SLC43A2: variants seen among roughly 807,000 people sequenced by gnomAD.
SLC43A2 encodes solute carrier family 43 member 2, also known as large neutral amino acids transporter small subunit 4.
Under a neutral mutation model 63.2 loss-of-function variants are expected in SLC43A2, and 38 were observed. The observed-to-expected ratio is 0.60, with a 90% CI of 0.46 to 0.79. The LOEUF is 0.79. Among genes scored for constraint, SLC43A2 ranks in the 30% least tolerant of loss-of-function variants. The pLI is 0.00. For missense variants in SLC43A2, 644 were observed against 756.2 expected (o/e 0.85, Z 1.74); for synonymous variants, 322 against 331.0 (o/e 0.97, Z 0.30).
At chr17:1,594,949 G>C (rs921837954) in intron 5 of SLC43A2, among the ~76,000 whole-genome samples, 1 of 152,038 alleles carries the variant, frequency 6.6e-6, no homozygotes, top group East Asian at 1.9e-4. Context: ...TGCAATCCCA[G>C]AGTGCTGCCT....
intron 5 of SLC43A2, among the ~76,000 whole-genome samples, chr17:1,601,500 A>C (rs1442715279): frequency 6.6e-6 from 1 of 152,100 alleles, no homozygotes; most frequent in Non-Finnish European, 1.5e-5. Context: ...AGCCAAGGCC[A>C]AACTGATGCA....
At chr17:1,584,641 T>C (rs527474063) in intron 10 of SLC43A2, among the ~76,000 whole-genome samples, 155 of 145,674 alleles carry the variant, frequency 1.1e-3, no homozygotes, top group African/African-American at 3.7e-3. Context: ...GTGAAACCCC[T>C]GTCTCTACTA....
intron 5 of SLC43A2, among the ~76,000 whole-genome samples, chr17:1,598,884 C>T (rs1326787860): frequency 6.6e-6 from 1 of 152,248 alleles, no homozygotes; most frequent in Admixed American, 6.5e-5. Context: ...GATGCCCTGC[C>T]TCTTGCCGCC....
intron 13 of SLC43A2, 43 bp downstream of exon 13, chr17:1,576,554 G>A (rs1256248332): frequency 1.3e-6 from 2 of 1,562,402 alleles, no homozygotes; most frequent in Non-Finnish European, 1.7e-6. Flanking sequence ...GTTAGCAGAA[G>A]GGGGCAGGCG....
At chr17:1,607,203 G>T (rs956035047) in intron 5 of SLC43A2, among the ~76,000 whole-genome samples, 5 of 152,184 alleles carry the variant, frequency 3.3e-5, no homozygotes, top group African/African-American at 1.2e-4. Context: ...GTTGAAGATT[G>T]GAGTTAGAAA....
Position 1,578,390 on chromosome 17 carries a change from C to T in SLC43A2, c.1351-67G>A. 6.7e-7 allele frequency: 1 copy of T among 1,494,230 alleles called. No individual in the cohort carries two copies. Among genetic ancestry groups the T allele is most frequent in the Non-Finnish European group, 9.2e-7 (1 of 1,088,706 alleles). 92.6% of individuals were successfully genotyped at this position (1,494,230 alleles called of 1,614,324 possible). A position where few individuals can be genotyped will look rare whatever the true frequency, so the allele number is the denominator to read the frequency against. On this transcript the variant is annotated intron_variant, in intron 11 of 13. Coordinates refer to ENST00000301335, the MANE Select transcript of SLC43A2 (RefSeq NM_152346.3). The surrounding 1 kb of genome is among the most constrained non-coding windows in gnomAD (Gnocchi z 6.5). ...GACCGTCCCCTCAGCCCCCGCCCTC[C>T]AATTCCTGGGGGCCCTCACCCCAGG... is the stretch of plus-strand genomic sequence containing the variant.
intron 9 of SLC43A2, 96 bp from the exon 10 acceptor site, chr17:1,586,147 C>T: frequency 6.9e-7 from 1 of 1,459,204 alleles, no homozygotes; most frequent in Non-Finnish European, 9.0e-7. Flanking sequence ...CCCACAGGCT[C>T]TTCTGGGGTC....
In SLC43A2 at chr17:1,583,910, T is replaced by C. The variant is rs1307029909; in HGVS notation, c.1218-574A>G. Among the ~76,000 whole-genome samples, 1 of 152,102 alleles carries C rather than the reference T, an allele frequency of 6.6e-6. No homozygotes were observed. Among genetic ancestry groups the C allele is most frequent in the African/African-American group, 2.4e-5 (1 of 41,424 alleles). On this transcript the variant is annotated intron_variant, in intron 10 of 13. Coordinates refer to ENST00000301335, the MANE Select transcript of SLC43A2 (RefSeq NM_152346.3). The surrounding 1 kb of genome is among the most constrained non-coding windows in gnomAD (Gnocchi z 5.5). ...TTGTTTTTTTGTTCTTTGGGTTTTTTTTTGAGATGGAGTCTCGCTCTGTCA... is the reference window on the plus strand; with the variant it reads ...TTGTTTTTTTGTTCTTTGGGTTTTTCTTTGAGATGGAGTCTCGCTCTGTCA...
At chr17:1,608,681 A>G (rs181957008) in intron 5 of SLC43A2, among the ~76,000 whole-genome samples, 2 of 152,240 alleles carry the variant, frequency 1.3e-5, no homozygotes, top group African/African-American at 4.8e-5. Context: ...GGTGTGAGCC[A>G]CCGCACCCGG....
chr17:1,622,069 G>A (rs1040286285), intron 2 of SLC43A2, among the ~76,000 whole-genome samples: 3 of 152,236 alleles, frequency 2.0e-5, no homozygotes, highest in African/African-American at 7.2e-5. Context: ...GGGAAATGAG[G>A]TCACGAACCA....
At chr17:1,586,927 A>AGGGGGCCCCCCCCCCCC in intron 9 of SLC43A2, 1 of 1,355,946 alleles carries the variant, frequency 7.4e-7, no homozygotes, top group South Asian at 1.3e-5. Flanking sequence ...TTCCCTGACA[A>AGGGGGCCCCCCCCCCCC]TCCCCCCCAC....
Position 1,577,590 on chromosome 17 carries a change from G to A in SLC43A2, c.1424+660C>T, listed in dbSNP as rs1031414754. Among the ~76,000 whole-genome samples, 13 of 152,202 alleles carry A rather than the reference G, an allele frequency of 8.5e-5. No homozygotes were observed. The highest frequency in any genetic ancestry group is 3.1e-4 in the African/African-American group (13 of 41,442). ...GCTCTGCTGGCCCAGAGGTGGGAAA[G>A]GAATCCCAGCAACACATGAGCTGGT... is the stretch of plus-strand genomic sequence containing the variant. On this transcript the variant is annotated intron_variant, in intron 12 of 13. Coordinates refer to ENST00000301335, the MANE Select transcript of SLC43A2 (RefSeq NM_152346.3). The surrounding 1 kb of genome is among the most constrained non-coding windows in gnomAD (Gnocchi z 4.9).
chr17:1,576,488 CGCTCCCACATGTCCTCGGGGCCCTGAA>C, intron 13 of SLC43A2, 82 bp downstream of exon 13: 1 of 1,266,490 alleles, frequency 7.9e-7, no homozygotes, highest in Non-Finnish European at 1.1e-6. Context: ...TCCTAACCAA[CGCTCCCACATGTCCTCGGGGCCCTGAA>C]GCCCCCGAGG....
chr17:1,588,192 A>T (rs1264568848), intron 9 of SLC43A2, among the ~76,000 whole-genome samples: 2 of 151,986 alleles, frequency 1.3e-5, no homozygotes, highest in Non-Finnish European at 2.9e-5. Flanking sequence ...TGAAGTCAGG[A>T]GTTGGAGACA....
Position 1,627,735 on chromosome 17 carries a change from GAGT to G in SLC43A2, c.137_139del (p.Tyr46del). 1.3e-6 allele frequency: 2 copies of G among 1,590,458 alleles called. No individual in the cohort carries two copies. The highest frequency in any genetic ancestry group is 1.7e-6 in the Non-Finnish European group (2 of 1,169,166). On this transcript the variant is annotated inframe_deletion, in exon 2 of 14. Coordinates refer to ENST00000301335, the MANE Select transcript of SLC43A2 (RefSeq NM_152346.3). ...CTCACCTGGCTCGGTACACAGGTAG[GAGT>G]AAAAGCCCTCTGACTTGAGCATGAT...
At chr17:1,600,977 C>T (rs1407031091) in intron 5 of SLC43A2, among the ~76,000 whole-genome samples, 1 of 151,600 alleles carries the variant, frequency 6.6e-6, no homozygotes, top group Non-Finnish European at 1.5e-5. Context: ...GAAAAGATAA[C>T]ATCTGAATAC....
intron 5 of SLC43A2, among the ~76,000 whole-genome samples, chr17:1,600,930 C>T (rs1287091788): frequency 6.6e-6 from 1 of 151,332 alleles, no homozygotes; most frequent in African/African-American, 2.4e-5. Flanking sequence ...TGACAACTAA[C>T]ATTTTACCCT....
Position 1,610,603 on chromosome 17 carries a change from T to G in SLC43A2, c.501+2592A>C, listed in dbSNP as rs1174065899. ...AAAATAAAATCATTTTTGGGCCAGG[T>G]ATGGTGGCTCACACCTGGAATCCCA... On this transcript the variant is annotated intron_variant, in intron 5 of 13. Transcript: ENST00000301335. Among the ~76,000 whole-genome samples, 3 of 149,630 alleles carry G rather than the reference T, an allele frequency of 2.0e-5. No homozygotes were observed. In the East Asian group the frequency reaches 6.1e-4, roughly 30 times the overall value.
At chr17:1,585,353 C>T (rs1298044802) in intron 10 of SLC43A2, 7 of 546,494 alleles carry the variant, frequency 1.3e-5, no homozygotes, top group South Asian at 4.3e-5. Context: ...GCAATTCTCG[C>T]GCCTCAGCCT....
Sources: allele counts gnomAD v4.1 joint callset (sites outside exome capture counted in the v4.1 genomes callset), GRCh38; gene constraint gnomAD v4.1.1; non-coding constraint Gnocchi (gnomAD v3.1); transcripts MANE v1.5; gene names NCBI Gene and HGNC (gene_info 2026-07-23, HGNC 2026-07-21).